Variants in THEMIS observed in about 807,000 individuals in gnomAD.
The protein encoded by THEMIS is protein THEMIS.
Under a neutral mutation model 52.6 loss-of-function variants are expected in THEMIS, and 37 were observed. The ratio of observed to expected loss-of-function variants is 0.70; its 90% CI spans 0.54 to 0.93. The LOEUF is 0.93. THEMIS is among the 40% of genes least tolerant of loss of function. The probability of loss-of-function intolerance (pLI) is 0.00; values close to 1 mark genes in which losing one functional copy is unlikely to be tolerated. For synonymous variants in THEMIS, 292 were observed against 272.7 expected (o/e 1.07, Z -0.70); for missense variants, 808 against 763.1 (o/e 1.06, Z -0.69).
At chr6:127,782,948 A>G (rs1776799152) in intron 4 of THEMIS, among the ~76,000 whole-genome samples, 1 of 152,228 alleles carries the variant, frequency 6.6e-6, no homozygotes, top group African/African-American at 2.4e-5. Flanking sequence ...CTAAGCAAAA[A>G]GAGCAAAGCT....
intron 4 of THEMIS, among the ~76,000 whole-genome samples, chr6:127,754,354 T>G (rs2114352479): frequency 6.6e-6 from 1 of 152,294 alleles, no homozygotes; most frequent in East Asian, 1.9e-4. Context: ...ATAATTCTTA[T>G]GGTCAAATTG....
chr6:127,811,393 T>C (rs969126741), intron 4 of THEMIS, among the ~76,000 whole-genome samples: 20 of 152,192 alleles, frequency 1.3e-4, no homozygotes, highest in African/African-American at 4.8e-4. Context: ...TAGTTCATGA[T>C]TCCTTTCCTC....
At chr6:127,746,794 T>A (rs1341652484) in intron 4 of THEMIS, among the ~76,000 whole-genome samples, 4 of 44,400 alleles carry the variant, frequency 9.0e-5, no homozygotes, top group Non-Finnish European at 1.4e-4. Context: ...TATATATTAT[T>A]ATATAATTAT....
At chr6:127,722,098 G>C (rs1006141701) in intron 4 of THEMIS, among the ~76,000 whole-genome samples, 1 of 151,958 alleles carries the variant, frequency 6.6e-6, no homozygotes, top group Non-Finnish European at 1.5e-5. Flanking sequence ...CAAACCTCTG[G>C]CACACTGGAC....
chr6:127,790,033 C>T (rs879682372), intron 4 of THEMIS, among the ~76,000 whole-genome samples: 3 of 152,178 alleles, frequency 2.0e-5, no homozygotes, highest in South Asian at 2.1e-4. Flanking sequence ...CCAGGGCAAT[C>T]GAGCAAGAGA....
At chr6:127,802,901 A>T (rs1373648527) in intron 4 of THEMIS, among the ~76,000 whole-genome samples, 1 of 152,138 alleles carries the variant, frequency 6.6e-6, no homozygotes, top group Non-Finnish European at 1.5e-5. Context: ...CTATTCTTCT[A>T]CCTATGTTCT....
chr6:127,879,743 C>CG (rs1310338291), intron 1 of THEMIS, among the ~76,000 whole-genome samples: 1 of 151,828 alleles, frequency 6.6e-6, no homozygotes, highest in Non-Finnish European at 1.5e-5. Flanking sequence ...TTAGTGCAGT[C>CG]GGGGAAGAAG....
At chr6:127,900,793 A>G (rs368873058) in intron 1 of THEMIS, 49 bp downstream of exon 1, 9 of 1,532,788 alleles carry the variant, frequency 5.9e-6, no homozygotes, top group Non-Finnish European at 8.1e-6. Flanking sequence ...TCAAAAATGT[A>G]TACTTTACAA....
At chr6:127,714,573 A>G (rs537368703) in intron 5 of THEMIS, among the ~76,000 whole-genome samples, 1 of 151,898 alleles carries the variant, frequency 6.6e-6, no homozygotes, top group Non-Finnish European at 1.5e-5. Context: ...TAACATACAC[A>G]TTAAGCGATA....
At chr6:127,713,317 T>A (rs1213870888) in intron 5 of THEMIS, among the ~76,000 whole-genome samples, 1 of 151,930 alleles carries the variant, frequency 6.6e-6, no homozygotes, top group African/African-American at 2.4e-5. Context: ...CTTCTATGTG[T>A]ACTCCAGCAA....
At chr6:127,902,052 C>T (rs1007122768), upstream of THEMIS, among the ~76,000 whole-genome samples, 4 of 151,880 alleles carry the variant, frequency 2.6e-5, no homozygotes, top group East Asian at 1.9e-4. Flanking sequence ...AGGCTGGGTA[C>T]GGTGGCTCAT....
chr6:127,841,090 C>CTG (rs749491895), intron 2 of THEMIS, among the ~76,000 whole-genome samples: 1 of 152,036 alleles, frequency 6.6e-6, no homozygotes, highest in Non-Finnish European at 1.5e-5. Flanking sequence ...CAAATATAAA[C>CTG]TGTGAACTTT....
intron 5 of THEMIS, among the ~76,000 whole-genome samples, chr6:127,711,057 C>T (rs80209911): frequency 0.05 from 7,471 of 149,966 alleles, 190 homozygotes; most frequent in East Asian, 0.091. Flanking sequence ...CTTTCCCTCA[C>T]TTTCTTCTTT....
chr6:127,759,306 C>T (rs1322983967), intron 4 of THEMIS, among the ~76,000 whole-genome samples: 1 of 152,050 alleles, frequency 6.6e-6, no homozygotes, highest in African/African-American at 2.4e-5. Context: ...TTGCTCAGTC[C>T]ATATTCACAA....
chr6:127,878,013 T>C (rs929271325), intron 1 of THEMIS, among the ~76,000 whole-genome samples: 7 of 152,196 alleles, frequency 4.6e-5, no homozygotes, highest in Admixed American at 6.5e-5. Flanking sequence ...CTACACAACA[T>C]GCAAAGACTA....
chr6:127,857,348 C>A (rs1583360241), intron 1 of THEMIS, among the ~76,000 whole-genome samples: 1 of 151,820 alleles, frequency 6.6e-6, no homozygotes. Context: ...CACAGGACAC[C>A]AGGACAGGCA....
the THEMIS span, among the ~76,000 whole-genome samples, chr6:127,699,497 C>T: frequency 6.7e-6 from 1 of 149,250 alleles, no homozygotes; most frequent in Non-Finnish European, 1.5e-5. Context: ...TCACAGGATA[C>T]GTTCTTCCAC....
rs529622421 is a variant in THEMIS at position 127,793,197 on chromosome 6, A to T, written c.1758+19686T>A. 2.0e-5 allele frequency among the ~76,000 whole-genome samples: 3 copies of T among 152,350 alleles called. No individual in the cohort carries two copies. The East Asian group carries it at 5.8e-4, about 29-fold the overall frequency. On this transcript the variant is annotated intron_variant, in intron 4 of 5. Coordinates refer to ENST00000368248, the MANE Select transcript of THEMIS (RefSeq NM_001010923.3). ...CTGGAGAGAACAGGGACAAGCTACA[A>T]GCAGACAATGGGTCCCAGTTGAGGA...
chr6:127,885,774 A>C (rs1780626678), intron 1 of THEMIS, among the ~76,000 whole-genome samples: 1 of 152,182 alleles, frequency 6.6e-6, no homozygotes. Flanking sequence ...ACTTTTGAGC[A>C]TCATACTTTT....
Sources: gnomAD v4.1 joint callset for allele counts (sites outside exome capture counted in the v4.1 genomes callset) on GRCh38, gnomAD v4.1.1 for gene constraint, MANE v1.5 for transcripts, NCBI Gene and HGNC (gene_info 2026-07-23, HGNC 2026-07-21) for gene names.